KCNK2: variants seen among roughly 807,000 people sequenced by gnomAD.
The protein encoded by KCNK2 is potassium channel subfamily K member 2.
A neutral mutation model predicts 40.5 loss-of-function variants in KCNK2; 21 were observed. The ratio of observed to expected loss-of-function variants is 0.52; its 90% CI spans 0.37 to 0.75. The LOEUF (loss-of-function observed/expected upper bound fraction) is 0.75, where lower values mean the gene tolerates loss of function less well. Among genes scored for constraint, KCNK2 ranks in the 30% least tolerant of loss-of-function variants. The pLI, the probability that KCNK2 is intolerant of heterozygous loss-of-function variation, is 0.00. For missense variants in KCNK2, 399 were observed against 531.6 expected (o/e 0.75, Z 2.45); for synonymous variants, 191 against 202.2 (o/e 0.94, Z 0.47).
chr1:215,136,105 A>G lies in KCNK2; in HGVS notation c.475+11355A>G, dbSNP rs548825899. On this transcript the variant is annotated intron_variant, in intron 3 of 6. Coordinates refer to ENST00000444842, the MANE Select transcript of KCNK2 (RefSeq NM_001017425.3). ...ATTCAAAATAGTGTATAATGTTACC[A>G]CCTTTTTTTTACTTCTGGAGGCAGA... Among the ~76,000 whole-genome samples, 85 of 151,274 alleles carry G rather than the reference A, an allele frequency of 5.6e-4. 1 individual carries two copies. The highest frequency in any genetic ancestry group is 1.1e-3 in the Non-Finnish European group (76 of 67,840).
intron 1 of KCNK2, among the ~76,000 whole-genome samples, chr1:215,057,681 G>A (rs891269331): frequency 6.6e-5 from 10 of 152,142 alleles, no homozygotes; most frequent in African/African-American, 2.4e-4. Context: ...AAGCTTGGGG[G>A]CTGCATCAGG....
chr1:215,226,894 G>A, intron 6 of KCNK2, among the ~76,000 whole-genome samples: 1 of 152,164 alleles, frequency 6.6e-6, no homozygotes, highest in East Asian at 1.9e-4. Context: ...TAAAAAGTTA[G>A]TTTGAGGAAA....
chr1:215,037,002 C>CTTTTTTTTTTTT (rs3033912), intron 1 of KCNK2, among the ~76,000 whole-genome samples: 2 of 125,842 alleles, frequency 1.6e-5, no homozygotes, highest in African/African-American at 3.0e-5. Flanking sequence ...CCTTTTATTC[C>CTTTTTTTTTTTT]TTTTTTTTTT....
chr1:215,086,261 G>A (rs950210148), intron 1 of KCNK2, 107 bp from the exon 2 acceptor site: 7 of 879,992 alleles, frequency 8.0e-6, no homozygotes, highest in Non-Finnish European at 1.3e-5. Flanking sequence ...CTTCCACTAG[G>A]AGAGCGAGCG....
chr1:215,209,225 A>G (rs1328925353), intron 6 of KCNK2, among the ~76,000 whole-genome samples: 2 of 131,282 alleles, frequency 1.5e-5, no homozygotes, highest in Non-Finnish European at 3.1e-5. Flanking sequence ...ATATTTTTAT[A>G]TATAAAATAT....
intron 6 of KCNK2, among the ~76,000 whole-genome samples, chr1:215,203,900 C>A (rs369605961): frequency 6.6e-6 from 1 of 151,502 alleles, no homozygotes; most frequent in East Asian, 1.9e-4. Context: ...TAGCCGGGTG[C>A]GGTGGCGGGC....
At chr1:215,180,757 A>G (rs1425653072) in intron 5 of KCNK2, among the ~76,000 whole-genome samples, 6 of 151,984 alleles carry the variant, frequency 3.9e-5, no homozygotes, top group African/African-American at 1.5e-4. Context: ...CCCCTTATAT[A>G]TGATTTGACC....
At chr1:215,149,683 A>G (rs1011405236) in intron 3 of KCNK2, among the ~76,000 whole-genome samples, 3 of 152,330 alleles carry the variant, frequency 2.0e-5, no homozygotes, top group South Asian at 2.1e-4. Context: ...AGTTAACTCA[A>G]TAAGTACGAA....
chr1:215,127,846 T>C (rs2102585218), intron 3 of KCNK2, among the ~76,000 whole-genome samples: 1 of 152,312 alleles, frequency 6.6e-6, no homozygotes, highest in Non-Finnish European at 1.5e-5. Context: ...TTATTGGAAA[T>C]TACATAACAC....
intron 6 of KCNK2, among the ~76,000 whole-genome samples, chr1:215,210,659 G>A (rs1665703994): frequency 6.6e-6 from 1 of 151,610 alleles, no homozygotes; most frequent in South Asian, 2.1e-4. Flanking sequence ...TAGAGAGAGA[G>A]TAGCATTCTC....
chr1:215,226,319 ATTTGT>A (rs556237634), intron 6 of KCNK2, among the ~76,000 whole-genome samples: 21 of 151,768 alleles, frequency 1.4e-4, no homozygotes, highest in East Asian at 3.9e-4. Flanking sequence ...CTTGTTTTTT[ATTTGT>A]TTTGTTTTGT....
At chr1:215,155,547 G>A (rs1662879216) in intron 3 of KCNK2, among the ~76,000 whole-genome samples, 1 of 152,040 alleles carries the variant, frequency 6.6e-6, no homozygotes, top group Admixed American at 6.6e-5. Flanking sequence ...TAGAGACCGA[G>A]CCTTGCTCTG....
chr1:215,157,579 T>G (rs1202908027), intron 3 of KCNK2, among the ~76,000 whole-genome samples: 1 of 152,202 alleles, frequency 6.6e-6, no homozygotes, highest in Non-Finnish European at 1.5e-5. Flanking sequence ...AGGGAAACAT[T>G]TTGAGTATGA....
intron 2 of KCNK2, among the ~76,000 whole-genome samples, chr1:215,092,008 G>T (rs933520540): frequency 6.6e-6 from 1 of 152,150 alleles, no homozygotes; most frequent in Non-Finnish European, 1.5e-5. Flanking sequence ...GTGCAGATAA[G>T]TATCCAGCTC....
At position 215,122,740 on chromosome 1, in the gene KCNK2, C is replaced by CTT. The variant is rs564207038; in HGVS notation, c.358-1871_358-1870dup. ...ATCAAATGCTTAAAACATTCATAAT[C>CTT]TTTTTTTTTTTTTTTTTTTTTTTGA... On this transcript the variant is annotated intron_variant, in intron 2 of 6. Coordinates refer to ENST00000444842, the MANE Select transcript of KCNK2 (RefSeq NM_001017425.3). 5.7e-3 allele frequency among the ~76,000 whole-genome samples: 687 copies of CTT among 120,198 alleles called. 2 individuals carry two copies. Among genetic ancestry groups the CTT allele is most frequent in the Non-Finnish European group, 7.1e-3 (410 of 58,120 alleles). 78.9% of individuals were successfully genotyped at this position (120,198 alleles called of 152,430 possible).
At chr1:215,033,544 G>A (rs1442276300) in intron 1 of KCNK2, among the ~76,000 whole-genome samples, 2 of 152,076 alleles carry the variant, frequency 1.3e-5, no homozygotes, top group Non-Finnish European at 2.9e-5. Flanking sequence ...GTTTTACATT[G>A]CCATGATTCC....
intron 5 of KCNK2, among the ~76,000 whole-genome samples, chr1:215,186,127 T>G (rs1664421773): frequency 2.6e-5 from 4 of 152,136 alleles, no homozygotes. Context: ...TAAGAGAACA[T>G]GACGATTAGG....
chr1:215,132,159 T>C (rs1392307172), intron 3 of KCNK2, among the ~76,000 whole-genome samples: 1 of 152,236 alleles, frequency 6.6e-6, no homozygotes, highest in African/African-American at 2.4e-5. Flanking sequence ...GGGAGTCTAA[T>C]ACCTTTCTTT....
At chr1:215,201,499 A>G (rs1665078928) in intron 6 of KCNK2, among the ~76,000 whole-genome samples, 1 of 152,218 alleles carries the variant, frequency 6.6e-6, no homozygotes, top group South Asian at 2.1e-4. Context: ...CCCTTGGAGC[A>G]TGACTAATAG....
Sources: gnomAD v4.1 joint callset for allele counts (sites outside exome capture counted in the v4.1 genomes callset) on GRCh38, gnomAD v4.1.1 for gene constraint, MANE v1.5 for transcripts, NCBI Gene and HGNC (gene_info 2026-07-23, HGNC 2026-07-21) for gene names.